The following SRRM2 variants were observed in gnomAD, a reference collection of about 807,000 sequenced individuals.
The protein encoded by SRRM2 is serine/arginine repetitive matrix protein 2.
A neutral mutation model predicts 213.8 loss-of-function variants in SRRM2; 30 were observed. That is an observed-to-expected ratio of 0.14 (90% confidence interval 0.10 to 0.19). The LOEUF (loss-of-function observed/expected upper bound fraction) is 0.19, where lower values mean the gene tolerates loss of function less well. Ranked by LOEUF, SRRM2 falls within the 10% of genes least tolerant of loss-of-function variation. The pLI is 1.00. For synonymous variants in SRRM2, 2,025 were observed against 1,377.7 expected, an observed-to-expected ratio of 1.47 and a Z score of -10.40; for missense variants, 4,904 against 3,647.0, an observed-to-expected ratio of 1.34 and a Z score of -8.88.
chr16:2,767,849 C>G lies in SRRM2; in HGVS notation c.7321C>G (p.Pro2441Ala), dbSNP rs61747730. Residue 2441 changes from proline (P) to alanine (A), a missense_variant, in exon 11 of 15, where the codon CCT (proline) becomes GCT (alanine). Physicochemically the swap from Pro to Ala is conservative, Grantham distance 27. Coordinates refer to ENST00000301740, the MANE Select transcript of SRRM2 (RefSeq NM_016333.4). Reference sequence around the variant, plus strand: ...CCAGGCTCCTTCACAGTCTCTTCTCCCTCCAGCACAGGATCAGCCGAGGTC... The same window carrying G: ...CCAGGCTCCTTCACAGTCTCTTCTCGCTCCAGCACAGGATCAGCCGAGGTC... ...MGQAPSQSLL[P>A]PAQDQPRSPV... The G allele has an allele frequency of 2.5e-6, 4 of 1,614,114 alleles. No homozygotes were observed. The highest frequency in any genetic ancestry group is 3.4e-6 in the Non-Finnish European group (4 of 1,180,014).
chr16:2,765,626 A>G lies in SRRM2; in HGVS notation c.5098A>G (p.Lys1700Glu). The change falls in exon 11 of 15, where the codon AAG (lysine) becomes GAG (glutamate). Residue 1700 changes from lysine to glutamate, a missense_variant. Lys to Glu is a moderately conservative substitution (Grantham distance 56). Transcript: ENST00000301740. ...SSRSSPELTR[K>E]ARLSRRSRSA... ...TCGATCATCTCCGGAGCTAACAAGG[A>G]AGGCCAGACTGTCCCGTAGAAGCCG... 6.2e-7 allele frequency: 1 copy of G among 1,614,136 alleles called. No individual in the cohort carries two copies. The highest frequency in any genetic ancestry group is 8.5e-7 in the Non-Finnish European group (1 of 1,180,036).
At chr16:2,754,802 G>A (rs972000107) in intron 1 of SRRM2, among the ~76,000 whole-genome samples, 1 of 152,158 alleles carries the variant, frequency 6.6e-6, no homozygotes, top group Non-Finnish European at 1.5e-5. Context: ...GGGGTGTAGA[G>A]AAATTGATTT....
At chr16:2,770,789 G>T in intron 14 of SRRM2, 69 bp from the exon 15 acceptor site, 1 of 1,611,062 alleles carries the variant, frequency 6.2e-7, no homozygotes, top group Non-Finnish European at 8.5e-7. Context: ...CCCATTTTGG[G>T]AGTGGCCCAG....
chr16:2,766,972 CCTG>C lies in SRRM2; in HGVS notation c.6446_6448del (p.Leu2149del). 1 of 1,614,114 alleles carries C rather than the reference CCTG, an allele frequency of 6.2e-7. No individual in the cohort carries two copies. The highest frequency in any genetic ancestry group is 1.3e-5 in the African/African-American group (1 of 75,012). ...GCAGCTCTAGAACACCCATGTCTGT[CCTG>C]CAGCAAGCCGGCGGCTCCATGATGG... On this transcript the variant is annotated inframe_deletion, in exon 11 of 15. Coordinates refer to ENST00000301740, the MANE Select transcript of SRRM2 (RefSeq NM_016333.4). This position sits in a 1 kb window ranked among gnomAD's most constrained non-coding sequence, Gnocchi z 7.0.
rs776404858 is a variant in SRRM2, at chr16:2,771,325, T to G, written c.*458T>G. ...GGTTGTGAACCCCTCCCCCCAACTT[T>G]TCATGTTTCTTAAAGGCATTTTGGT... On this transcript the variant is annotated 3_prime_UTR_variant, in exon 15 of 15. Transcript: ENST00000301740. 6 of 1,357,650 alleles carry G rather than the reference T, an allele frequency of 4.4e-6. No individual in the cohort carries two copies. The highest frequency in any genetic ancestry group is 1.4e-5 in the African/African-American group (1 of 69,942). 84.1% of individuals were successfully genotyped at this position (1,357,650 alleles called of 1,614,324 possible).
At chr16:2,770,209 G>T (rs1046050206) in intron 12 of SRRM2, 143 bp from the exon 13 acceptor site, 17 of 1,451,080 alleles carry the variant, frequency 1.2e-5, no homozygotes, top group African/African-American at 2.9e-5. Flanking sequence ...CGGGCGGATG[G>T]GTGAGTGAGC....
rs2068228768 is a variant in SRRM2 at position 2,758,498 on chromosome 16, T to A, written c.544T>A (p.Ser182Thr). The A allele has an allele frequency of 6.2e-7, 1 of 1,614,184 alleles. No individual in the cohort carries two copies. Among genetic ancestry groups the A allele is most frequent in the Non-Finnish European group, 8.5e-7 (1 of 1,180,042 alleles). Residue 182 changes from serine to threonine, a missense_variant, in exon 5 of 15, where the codon TCA becomes ACA. Ser to Thr is a moderately conservative substitution (Grantham distance 58). Transcript: ENST00000301740. ...SLVRESSSSR[S>T]PTPKQKKKKK... ...TGTTCGGGAGTCTAGCAGTTCTCGC[T>A]CACCAACCCCAAAGCAGAAGAAGAA...
intron 10 of SRRM2, chr16:2,760,960 C>G (rs920610764): frequency 6.3e-6 from 1 of 159,772 alleles, no homozygotes; most frequent in Admixed American, 6.0e-5. Context: ...TTAGTGATTA[C>G]AGTCTGAATT....
chr16:2,769,135 CTCCTCT>C lies in SRRM2; in HGVS notation c.7875_7880del (p.Ser2647_Ser2648del), dbSNP rs747794051. On this transcript the variant is annotated inframe_deletion, in exon 12 of 15. Coordinates refer to ENST00000301740, the MANE Select transcript of SRRM2 (RefSeq NM_016333.4). ...CTTCATCTTCCTCCTCCTCCTCCTCCTCCTCTTCTTCCTCCTCCTCTTCCTCTTCTT... is the reference window on the plus strand; with the variant it reads ...CTTCATCTTCCTCCTCCTCCTCCTCCTCTTCCTCCTCCTCTTCCTCTTCTT... 3.1e-6 allele frequency: 5 copies of C among 1,611,776 alleles called. No homozygotes were observed. Among genetic ancestry groups the C allele is most frequent in the South Asian group, 2.2e-5 (2 of 90,998 alleles).
At chr16:2,754,047 TC>T (rs1261695750) in intron 1 of SRRM2, among the ~76,000 whole-genome samples, 3 of 152,242 alleles carry the variant, frequency 2.0e-5, no homozygotes, top group Admixed American at 6.5e-5. Flanking sequence ...CTTTTTACTT[TC>T]TGCTTTTAAC....
chr16:2,770,927 T>A lies in SRRM2; in HGVS notation c.*60T>A. ...CTGGAGCCACAAGGAGTGTCCCTTC[T>A]TCCCCAGCAGAGCCGTGGGAGGGTC... On this transcript the variant is annotated 3_prime_UTR_variant, in exon 15 of 15. Coordinates refer to ENST00000301740, the MANE Select transcript of SRRM2 (RefSeq NM_016333.4). 2 of 1,608,970 alleles carry A rather than the reference T, an allele frequency of 1.2e-6. No individual in the cohort carries two copies. Among genetic ancestry groups the A allele is most frequent in the Non-Finnish European group, 8.5e-7 (1 of 1,177,080 alleles).
At position 2,768,239 on chromosome 16, in the gene SRRM2, C is replaced by A; in HGVS notation, c.7711C>A (p.Gln2571Lys). The A allele has an allele frequency of 6.4e-7, 1 of 1,564,222 alleles. No homozygotes were observed. Among genetic ancestry groups the A allele is most frequent in the Non-Finnish European group, 8.6e-7 (1 of 1,156,214 alleles). Residue 2571 changes from glutamine (Q) to lysine (K), a missense_variant, in exon 11 of 15, where the codon CAA (glutamine) becomes AAA (lysine). Physicochemically the swap from Gln to Lys is moderately conservative, Grantham distance 53. Coordinates refer to ENST00000301740, the MANE Select transcript of SRRM2 (RefSeq NM_016333.4). Reference protein sequence around the residue: ...SDSEGSSLPVQPEVALKRVPS... With the variant: ...SDSEGSSLPVKPEVALKRVPS... Reference sequence around the variant, plus strand: ...CTCAGAGGGCTCTAGCCTTCCTGTGCAACCTGAGGTGGCACTGAAGAGGTG... The same window carrying A: ...CTCAGAGGGCTCTAGCCTTCCTGTGAAACCTGAGGTGGCACTGAAGAGGTG...
In SRRM2 at chr16:2,766,749, C is replaced by T; in HGVS notation, c.6221C>T (p.Ala2074Val). ...GKRSLTRSPP[A>V]IRRRSASGSS... ...CGGTCCTTAACAAGATCTCCTCCAG[C>T]CATCCGCAGGCGTTCTGCATCTGGA... The change falls in exon 11 of 15, where the codon GCC becomes GTC. Residue 2074 changes from alanine (A) to valine (V), a missense_variant. Physicochemically the swap from Ala to Val is moderately conservative, Grantham distance 64. Transcript: ENST00000301740. The surrounding 1 kb of genome is among the most constrained non-coding windows in gnomAD (Gnocchi z 7.0). The T allele has an allele frequency of 1.2e-6, 2 of 1,614,202 alleles. No individual in the cohort carries two copies. The highest frequency in any genetic ancestry group is 1.1e-5 in the South Asian group (1 of 91,078).
At chr16:2,770,807 C>G in intron 14 of SRRM2, 51 bp from the exon 15 acceptor site, 1 of 1,613,260 alleles carries the variant, frequency 6.2e-7, no homozygotes, top group Non-Finnish European at 8.5e-7. Context: ...CAGAAACTGG[C>G]CTTGAGGGCT....
chr16:2,754,956 A>G lies in SRRM2; in HGVS notation c.-31-1378A>G, dbSNP rs138508930. ...CATCCTTAGGCGCATGCGCTAGTATATTTTTCCAAACATTTGTATGATGCT... is the reference window on the plus strand; with the variant it reads ...CATCCTTAGGCGCATGCGCTAGTATGTTTTTCCAAACATTTGTATGATGCT... On this transcript the variant is annotated intron_variant, in intron 1 of 14. Transcript: ENST00000301740. Among the ~76,000 whole-genome samples the G allele has an allele frequency of 3.6e-3, 543 of 151,970 alleles. 3 individuals carry two copies. Among genetic ancestry groups the G allele is most frequent in the African/African-American group, 0.013 (521 of 41,404 alleles).
chr16:2,752,719 G>T lies in SRRM2; in HGVS notation c.-159G>T, dbSNP rs747066788. On this transcript the variant is annotated 5_prime_UTR_variant, in exon 1 of 15. Coordinates refer to ENST00000301740, the MANE Select transcript of SRRM2 (RefSeq NM_016333.4). ...GCGGCCCCTGAGGAAGCGAGGAGGCGTCGGCGTCGGCTGAGGCGGGCGGAC... is the reference window on the plus strand; with the variant it reads ...GCGGCCCCTGAGGAAGCGAGGAGGCTTCGGCGTCGGCTGAGGCGGGCGGAC... 1.4e-5 allele frequency: 5 copies of T among 358,834 alleles called. No individual in the cohort carries two copies. Among genetic ancestry groups the T allele is most frequent in the South Asian group, 9.2e-5 (5 of 54,082 alleles). The allele number at this position is 358,834 out of a possible 1,614,324, so 22.2% of individuals were successfully genotyped here.
At chr16:2,753,036 A>ACCCCCCCC (rs5815132) in intron 1 of SRRM2, among the ~76,000 whole-genome samples, 190 bp downstream of exon 1, 69 of 138,378 alleles carry the variant, frequency 5.0e-4, no homozygotes, top group South Asian at 1.2e-3. Flanking sequence ...CGCGGGCTTC[A>ACCCCCCCC]CCCCCCCCCG....
intron 4 of SRRM2, 82 bp from the exon 5 acceptor site, chr16:2,758,388 T>C: frequency 1.6e-6 from 2 of 1,253,520 alleles, no homozygotes; most frequent in Non-Finnish European, 2.3e-6. Context: ...TTTATTACTA[T>C]TTTTTTAGAC....
Position 2,763,429 on chromosome 16 carries a change from C to T in SRRM2, c.2901C>T (p.Tyr967=), listed in dbSNP as rs2150776478. 2 of 1,614,212 alleles carry T rather than the reference C, an allele frequency of 1.2e-6. No homozygotes were observed. Among genetic ancestry groups the T allele is most frequent in the African/African-American group, 1.3e-5 (1 of 75,042 alleles). ...SNVESRLLPR[Y]SHSGSSSPDT... is the part of the protein sequence containing the mutation. Reference sequence around the variant, plus strand: ...TGGAATCCAGATTGTTGCCAAGATACAGTCATTCTGGGTCCTCCTCACCAG... The same window carrying T: ...TGGAATCCAGATTGTTGCCAAGATATAGTCATTCTGGGTCCTCCTCACCAG... The change falls in exon 11 of 15, where the codon TAC becomes TAT. Residue 967 remains tyrosine (Y), a synonymous_variant. Coordinates refer to ENST00000301740, the MANE Select transcript of SRRM2 (RefSeq NM_016333.4).
Sources: allele counts gnomAD v4.1 joint callset (sites outside exome capture counted in the v4.1 genomes callset), GRCh38; gene constraint gnomAD v4.1.1; non-coding constraint Gnocchi (gnomAD v3.1); transcripts MANE v1.5; gene names NCBI Gene and HGNC (gene_info 2026-07-23, HGNC 2026-07-21).